The following IL1RAPL1 variants were observed in gnomAD, a reference collection of about 807,000 sequenced individuals.
IL1RAPL1 encodes interleukin-1 receptor accessory protein-like 1.
In IL1RAPL1, 3 loss-of-function variants were observed where a neutral mutation model predicts 48.4. That is an observed-to-expected ratio of 0.06 (90% CI 0.03 to 0.16). The LOEUF (loss-of-function observed/expected upper bound fraction) is 0.16, where lower values mean the gene tolerates loss of function less well. IL1RAPL1 is among the 10% of genes least tolerant of loss of function. The pLI is 1.00. For missense variants in IL1RAPL1, 349 were observed against 530.6 expected (o/e 0.66, Z 3.36); for synonymous variants, 185 against 187.7 (o/e 0.99, Z 0.12).
intron 1 of IL1RAPL1, among the ~76,000 whole-genome samples, chrX:28,686,360 A>T (rs1935110938): frequency 9.0e-6 from 1 of 111,632 alleles, no homozygotes; most frequent in African/African-American, 3.3e-5. Context: ...TTTCTTCTAG[A>T]CCCCCAAAAC....
chrX:29,431,649 A>G (rs1934424187), intron 5 of IL1RAPL1, among the ~76,000 whole-genome samples: 1 of 111,787 alleles, frequency 8.9e-6, no homozygotes, highest in South Asian at 3.7e-4. Flanking sequence ...CTTAAATAGG[A>G]GAAAATATTT....
intron 2 of IL1RAPL1, among the ~76,000 whole-genome samples, chrX:29,031,700 C>A (rs776090588): frequency 9.0e-6 from 1 of 111,485 alleles, no homozygotes; most frequent in East Asian, 2.8e-4. Context: ...TGGTAACTAT[C>A]TTGGTCATTG....
At chrX:29,683,011 T>A (rs1234627558) in intron 6 of IL1RAPL1, among the ~76,000 whole-genome samples, 1 of 111,760 alleles carries the variant, frequency 8.9e-6, no homozygotes, top group Non-Finnish European at 1.9e-5. Flanking sequence ...TAAATAGGGG[T>A]TGAAAGAACA....
intron 1 of IL1RAPL1, among the ~76,000 whole-genome samples, chrX:28,622,578 G>C (rs1455905770): frequency 1.8e-5 from 2 of 111,666 alleles, no homozygotes; most frequent in African/African-American, 6.5e-5. Context: ...CAGCAAAAGT[G>C]GGTTATAGCT....
chrX:29,731,117 C>A (rs1375878081), intron 6 of IL1RAPL1, among the ~76,000 whole-genome samples: 1 of 112,179 alleles, frequency 8.9e-6, no homozygotes. Flanking sequence ...CATTCCTACC[C>A]TCTGTCTTTA....
chrX:28,695,181 C>T (rs1171239424), intron 1 of IL1RAPL1, among the ~76,000 whole-genome samples: 1 of 111,054 alleles, frequency 9.0e-6, no homozygotes, highest in Non-Finnish European at 1.9e-5. Context: ...TACTTTTTAC[C>T]TCATTATTAC....
intron 5 of IL1RAPL1, among the ~76,000 whole-genome samples, chrX:29,486,993 A>G (rs1420972654): frequency 9.0e-6 from 1 of 111,190 alleles, no homozygotes; most frequent in Non-Finnish European, 1.9e-5. Context: ...TGCCTTTCCA[A>G]CAAGCTCCCA....
rs757852037 is a variant in IL1RAPL1 at position 29,133,734 on chromosome X, T to C, written c.83-149204T>C. Among the ~76,000 whole-genome samples the C allele has an allele frequency of 2.8e-3, 319 of 111,997 alleles. 3 individuals carry two copies. The highest frequency in any genetic ancestry group is 9.6e-3 in the African/African-American group (297 of 30,899). On this transcript the variant is annotated intron_variant, in intron 2 of 10. Coordinates refer to ENST00000378993, the MANE Select transcript of IL1RAPL1 (RefSeq NM_014271.4). Reference sequence around the variant, plus strand: ...ATGCTGGGGTTCACTTTTTGTGTTGTACAATTCTATGCATTTTGACAAGTA... The same window carrying C: ...ATGCTGGGGTTCACTTTTTGTGTTGCACAATTCTATGCATTTTGACAAGTA...
chrX:28,707,146 G>A (rs1322868551), intron 1 of IL1RAPL1, among the ~76,000 whole-genome samples: 3 of 112,021 alleles, frequency 2.7e-5, no homozygotes, highest in Non-Finnish European at 5.6e-5. Context: ...TAAAGCAAAG[G>A]CTGTTTACTT....
intron 5 of IL1RAPL1, among the ~76,000 whole-genome samples, chrX:29,632,188 G>T (rs778261469): frequency 9.4e-6 from 1 of 106,352 alleles, no homozygotes; most frequent in East Asian, 3.0e-4. Context: ...TCACTCTGTT[G>T]CCCAGGCTGG....
intron 2 of IL1RAPL1, among the ~76,000 whole-genome samples, chrX:29,148,325 G>T (rs979616836): frequency 9.0e-6 from 1 of 111,612 alleles, no homozygotes; most frequent in Non-Finnish European, 1.9e-5. Flanking sequence ...TCTCACAAGA[G>T]TAAAAGAATA....
rs148643985 is a variant in IL1RAPL1 at position 28,609,816 on chromosome X, C to T, written c.-25+21769C>T. ...TTATCCAATAACCCTCCCTGTCCCC[C>T]GACCCCACTCAACCCCAATGATCAG... On this transcript the variant is annotated intron_variant, in intron 1 of 10. Transcript: ENST00000378993. 6.4e-3 allele frequency among the ~76,000 whole-genome samples: 709 copies of T among 110,636 alleles called. 2 individuals carry two copies. The highest frequency in any genetic ancestry group is 8.9e-3 in the Non-Finnish European group (471 of 52,923).
At chrX:29,874,816 G>T (rs977913284) in intron 6 of IL1RAPL1, among the ~76,000 whole-genome samples, 3 of 112,318 alleles carry the variant, frequency 2.7e-5, no homozygotes, top group African/African-American at 9.7e-5. Context: ...AAGAGATACT[G>T]AGGTAGGTGC....
At chrX:29,230,524 A>AAAAAAC (rs1569265314) in intron 2 of IL1RAPL1, among the ~76,000 whole-genome samples, 1 of 96,976 alleles carries the variant, frequency 1.0e-5, no homozygotes. Context: ...AAAAAAAAAA[A>AAAAAAC]AAAAAAAAAA....
intron 2 of IL1RAPL1, among the ~76,000 whole-genome samples, chrX:28,809,813 A>G (rs188301280): frequency 2.8e-3 from 309 of 108,849 alleles, no homozygotes; most frequent in Middle Eastern, 9.3e-3. Flanking sequence ...GCTGTGGAGT[A>G]AGAAGCTATT....
chrX:29,251,759 GGAGAT>G (rs1931623200), intron 2 of IL1RAPL1, among the ~76,000 whole-genome samples: 1 of 111,083 alleles, frequency 9.0e-6, no homozygotes, highest in South Asian at 3.8e-4. Context: ...TGCTAGAAGA[GGAGAT>G]GAGAGAGACA....
intron 2 of IL1RAPL1, among the ~76,000 whole-genome samples, chrX:28,983,790 C>A (rs1449837355): frequency 2.7e-5 from 3 of 111,243 alleles, no homozygotes; most frequent in African/African-American, 9.8e-5. Flanking sequence ...AAATTATAAT[C>A]TGTAATGAAT....
At chrX:28,924,157 TA>T (rs1923681628) in intron 2 of IL1RAPL1, 1 of 111,967 alleles carries the variant, frequency 8.9e-6, no homozygotes. Flanking sequence ...AAACAAACGA[TA>T]ATTTAAAAAA....
intron 2 of IL1RAPL1, among the ~76,000 whole-genome samples, chrX:29,055,627 A>G (rs1456061771): frequency 8.9e-6 from 1 of 112,166 alleles, no homozygotes; most frequent in East Asian, 2.8e-4. Context: ...TTATTTTGAG[A>G]AGCAAAATAC....
Sources: gnomAD v4.1 joint callset for allele counts (sites outside exome capture counted in the v4.1 genomes callset) on GRCh38, gnomAD v4.1.1 for gene constraint, MANE v1.5 for transcripts, NCBI Gene and HGNC (gene_info 2026-07-23, HGNC 2026-07-21) for gene names.